MME: variants seen among roughly 807,000 people sequenced by gnomAD.
MME encodes membrane metalloendopeptidase, also known as neprilysin.
Under a neutral mutation model 113.2 loss-of-function variants are expected in MME, and 98 were observed. The observed-to-expected ratio is 0.87, with a 90% CI of 0.74 to 1.02. MME has a LOEUF of 1.02. Ranked by LOEUF, MME falls within the 50% of genes least tolerant of loss-of-function variation. The pLI is 0.00. For synonymous variants in MME, 292 were observed against 300.6 expected (o/e 0.97, Z 0.30); for missense variants, 836 against 896.0 (o/e 0.93, Z 0.86).
chr3:155,097,823 A>G (rs1297428113), intron 3 of MME, among the ~76,000 whole-genome samples: 1 of 152,170 alleles, frequency 6.6e-6, no homozygotes, highest in Non-Finnish European at 1.5e-5. Context: ...TGAAGACTGG[A>G]AAGTGTCCAT....
rs780245094 is a variant in MME, at chr3:155,142,030, A to T, written c.997A>T (p.Thr333Ser). 3.7e-6 allele frequency: 6 copies of T among 1,613,502 alleles called. No individual in the cohort carries two copies. The South Asian group carries it at 5.5e-5, about 15-fold the overall frequency. Residue 333 changes from threonine to serine, a missense_variant, in exon 11 of 23, where the codon ACT becomes TCT. By Grantham distance (58) the Thr-to-Ser change is moderately conservative (BLOSUM62 1). Transcript: ENST00000360490. ...GAATTTCACAAATGAAATCATGTCA[A>T]CTGTGAATATTAGTATTACAAATGA... Reference protein sequence around the residue: ...WLNFTNEIMSTVNISITNEED... With the variant: ...WLNFTNEIMSSVNISITNEED...
chr3:155,157,044 A>G (rs1722369038), intron 16 of MME, among the ~76,000 whole-genome samples: 1 of 152,102 alleles, frequency 6.6e-6, no homozygotes, highest in South Asian at 2.1e-4. Flanking sequence ...AAGAGATAGA[A>G]GAGAAACACC....
chr3:155,110,645 A>T (rs1718118719), intron 3 of MME, among the ~76,000 whole-genome samples: 1 of 152,230 alleles, frequency 6.6e-6, no homozygotes, highest in Non-Finnish European at 1.5e-5. Flanking sequence ...ATAGAAGATT[A>T]CTTCTCTTGT....
At chr3:155,085,910 A>T (rs1715677040) in intron 3 of MME, among the ~76,000 whole-genome samples, 1 of 152,214 alleles carries the variant, frequency 6.6e-6, no homozygotes, top group African/African-American at 2.4e-5. Flanking sequence ...ACACAAAAGA[A>T]AGAAACTATG....
chr3:155,109,714 T>C (rs1032097169), intron 3 of MME, among the ~76,000 whole-genome samples: 1 of 152,214 alleles, frequency 6.6e-6, no homozygotes, highest in Non-Finnish European at 1.5e-5. Flanking sequence ...CTCCAAAGAT[T>C]CTGACTGAAT....
chr3:155,053,059 C>G (rs1324342681), intron 1 of MME, among the ~76,000 whole-genome samples: 1 of 152,168 alleles, frequency 6.6e-6, no homozygotes, highest in Non-Finnish European at 1.5e-5. Flanking sequence ...TTGAGACCAC[C>G]TTGGCCTAGA....
chr3:155,034,959 G>A (rs1332678558), intron 1 of MME, among the ~76,000 whole-genome samples: 1 of 152,142 alleles, frequency 6.6e-6, no homozygotes, highest in Non-Finnish European at 1.5e-5. Flanking sequence ...GGTTCAGTGA[G>A]AAAGCCACAA....
At chr3:155,153,734 C>G (rs1341084407) in intron 16 of MME, among the ~76,000 whole-genome samples, 1 of 152,162 alleles carries the variant, frequency 6.6e-6, no homozygotes, top group Non-Finnish European at 1.5e-5. Flanking sequence ...CTCATTGGTG[C>G]ATCTCTCTTG....
At chr3:155,130,807 G>A (rs1026154210) in intron 8 of MME, among the ~76,000 whole-genome samples, 4 of 152,098 alleles carry the variant, frequency 2.6e-5, no homozygotes, top group East Asian at 1.9e-4. Context: ...TAGAAGTTCC[G>A]AGGAAATAGG....
At chr3:155,111,384 T>C (rs1718176226) in intron 3 of MME, among the ~76,000 whole-genome samples, 1 of 152,164 alleles carries the variant, frequency 6.6e-6, no homozygotes, top group Non-Finnish European at 1.5e-5. Flanking sequence ...ACAAGCTCGG[T>C]GGTCAAAGGG....
chr3:155,142,707 G>A (rs1721207049), intron 12 of MME, among the ~76,000 whole-genome samples: 1 of 152,112 alleles, frequency 6.6e-6, no homozygotes, highest in African/African-American at 2.4e-5. Context: ...ATACACAGAT[G>A]GACAATATTG....
At chr3:155,127,684 A>G (rs1468087219) in intron 8 of MME, among the ~76,000 whole-genome samples, 1 of 152,242 alleles carries the variant, frequency 6.6e-6, no homozygotes, top group Non-Finnish European at 1.5e-5. Flanking sequence ...TTGTGATCAA[A>G]TAACACAGTG....
At chr3:155,091,077 T>C in intron 3 of MME, among the ~76,000 whole-genome samples, 1 of 152,216 alleles carries the variant, frequency 6.6e-6, no homozygotes, top group Non-Finnish European at 1.5e-5. Context: ...TATTTCATTA[T>C]GTAGTTAAGT....
rs759159903 is a variant in MME at position 155,142,341 on chromosome 3, A to G, written c.1188+11A>G. 3.1e-6 allele frequency: 5 copies of G among 1,602,850 alleles called. No homozygotes were observed. The South Asian group carries it at 5.5e-5, about 18-fold the overall frequency. The stretch of plus-strand genomic sequence containing the variant: ...AATGCTTTCCGCAAGGTGAAGAAAA[A>G]ATCTCTCTTTTCTTAAGACTTAAAG... On this transcript the variant is annotated intron_variant, in intron 12 of 22. Transcript: ENST00000360490.
intron 3 of MME, among the ~76,000 whole-genome samples, chr3:155,095,761 C>A (rs1055546280): frequency 6.6e-6 from 1 of 152,018 alleles, no homozygotes; most frequent in Admixed American, 6.6e-5. Flanking sequence ...AACTAAAATA[C>A]CCCCTGCCGT....
Position 155,140,276 on chromosome 3 carries a change from T to C in MME, c.941T>C (p.Leu314Pro), listed in dbSNP as rs778524011. The change falls in exon 10 of 23, where the codon CTA (leucine) becomes CCA (proline). Residue 314 changes from leucine (L) to proline (P), a missense_variant. Transcript: ENST00000360490. ...GCCCAGATCCAAAATAACTTTTCAC[T>C]AGAGATCAATGGGAAGGTAAGTGGT... ...TLAQIQNNFS[L>P]EINGKPFSWL... 7.5e-6 allele frequency: 12 copies of C among 1,608,852 alleles called. No homozygotes were observed. The Admixed American group carries it at 2.0e-4, about 27-fold the overall frequency.
chr3:155,084,323 C>G lies in MME; in HGVS notation c.156C>G (p.Tyr52Ter). 6.2e-7 allele frequency: 1 copy of G among 1,614,068 alleles called. No individual in the cohort carries two copies. Among genetic ancestry groups the G allele is most frequent in the Non-Finnish European group, 8.5e-7 (1 of 1,179,996 alleles). The change falls in exon 2 of 23, where the codon TAC becomes TAG. Residue 52 changes from tyrosine (Y) to a stop codon, truncating the protein, a stop_gained. Coordinates refer to ENST00000360490, the MANE Select transcript of MME (RefSeq NM_007289.4). LOFTEE classifies it high-confidence loss of function. ...CAATGATCGCACTCTATGCAACCTA[C>G]GATGGTGAGTTACTCCCACACCTGT... ...AVTMIALYAT[Y>*]DDGICKSSDC...
intron 1 of MME, among the ~76,000 whole-genome samples, chr3:155,036,626 A>G (rs1446160739): frequency 2.0e-5 from 3 of 151,858 alleles, no homozygotes; most frequent in Non-Finnish European, 2.9e-5. Context: ...ATTATTTTTT[A>G]TTATTGAGTT....
chr3:155,029,102 G>T (rs1712885558), intron 1 of MME, among the ~76,000 whole-genome samples: 1 of 152,236 alleles, frequency 6.6e-6, no homozygotes, highest in Middle Eastern at 3.4e-3. Context: ...AACAGAATCT[G>T]TCTCTTCCTT....
Sources: gnomAD v4.1 joint callset for allele counts (sites outside exome capture counted in the v4.1 genomes callset) on GRCh38, gnomAD v4.1.1 for gene constraint, MANE v1.5 for transcripts, NCBI Gene and HGNC (gene_info 2026-07-23, HGNC 2026-07-21) for gene names.